Variants in CELA2B observed in about 807,000 individuals in gnomAD.
CELA2B encodes the protein chymotrypsin-like elastase family member 2B.
Under a neutral mutation model 36.5 loss-of-function variants are expected in CELA2B, and 27 were observed. That is an observed-to-expected ratio of 0.74 (90% CI 0.55 to 1.02). The LOEUF (loss-of-function observed/expected upper bound fraction) is 1.02, where lower values mean the gene tolerates loss of function less well. Ranked by LOEUF, CELA2B falls within the 50% of genes least tolerant of loss-of-function variation. The pLI is 0.00. For missense variants in CELA2B, 340 were observed against 347.8 expected (o/e 0.98, Z 0.18); for synonymous variants, 143 against 148.5 (o/e 0.96, Z 0.27).
intron 7 of CELA2B, among the ~76,000 whole-genome samples, chr1:15,489,905 G>A (rs756727471): frequency 6.6e-6 from 1 of 151,870 alleles, no homozygotes; most frequent in Non-Finnish European, 1.5e-5. Context: ...ATGGAGTCTC[G>A]CTCTGTTGCA....
Position 15,476,541 on chromosome 1 carries a change from G to C in CELA2B, c.125G>C (p.Trp42Ser). The change falls in exon 2 of 8, where the codon TGG (tryptophan) becomes TCG (serine). Residue 42 changes from tryptophan (W) to serine (S), a missense_variant. Trp to Ser is a radical substitution (Grantham distance 177, BLOSUM62 -3). Coordinates refer to ENST00000375910, the MANE Select transcript of CELA2B (RefSeq NM_015849.3). ...GEEARPNSWP[W>S]QVSLQYSSNG... ...GAAGCGAGGCCCAACAGCTGGCCCT[G>C]GCAGGTGAGTTGACCACACTGTACT... The C allele has an allele frequency of 6.2e-7, 1 of 1,613,698 alleles. No homozygotes were observed. Among genetic ancestry groups the C allele is most frequent in the Non-Finnish European group, 8.5e-7 (1 of 1,179,996 alleles).
chr1:15,476,540 T>C lies in CELA2B; in HGVS notation c.124T>C (p.Trp42Arg), dbSNP rs1424513801. The C allele has an allele frequency of 1.2e-6, 2 of 1,613,632 alleles. No homozygotes were observed. The highest frequency in any genetic ancestry group is 1.3e-5 in the African/African-American group (1 of 74,902). The change falls in exon 2 of 8, where the codon TGG becomes CGG. Residue 42 changes from tryptophan (W) to arginine (R), a missense_variant. Trp to Arg is a moderately radical substitution (Grantham distance 101, BLOSUM62 -3). Transcript: ENST00000375910. ...AGAAGCGAGGCCCAACAGCTGGCCC[T>C]GGCAGGTGAGTTGACCACACTGTAC... The part of the protein sequence containing the change: ...GEEARPNSWP[W>R]QVSLQYSSNG...
chr1:15,483,430 G>T (rs1432968014), intron 5 of CELA2B, 30 bp downstream of exon 5: 1 of 1,612,954 alleles, frequency 6.2e-7, no homozygotes, highest in African/African-American at 1.3e-5. Flanking sequence ...CCCCAGGCCT[G>T]GGAGGGAAGG....
At chr1:15,490,473 A>G (rs911595540) in intron 7 of CELA2B, among the ~76,000 whole-genome samples, 2 of 152,212 alleles carry the variant, frequency 1.3e-5, no homozygotes, top group African/African-American at 2.4e-5. Flanking sequence ...ACATTGTGCA[A>G]TGAACATCCT....
At chr1:15,481,367 G>A (rs965176999) in intron 3 of CELA2B, among the ~76,000 whole-genome samples, 172 bp downstream of exon 3, 5 of 152,198 alleles carry the variant, frequency 3.3e-5, no homozygotes, top group African/African-American at 1.2e-4. Flanking sequence ...GCCCACCCAT[G>A]GGTCATTTCA....
chr1:15,487,253 C>CT (rs1283546766), intron 6 of CELA2B, 32 bp from the exon 7 acceptor site: 3 of 1,606,646 alleles, frequency 1.9e-6, no homozygotes, highest in African/African-American at 2.7e-5. Context: ...CTTCCTCCCA[C>CT]TTCAACTCCC....
At chr1:15,486,163 C>A in intron 6 of CELA2B, 117 bp downstream of exon 6, 1 of 1,312,494 alleles carries the variant, frequency 7.6e-7, no homozygotes, top group South Asian at 1.4e-5. Flanking sequence ...CAGAAGCACC[C>A]GGAAATGGTA....
intron 5 of CELA2B, among the ~76,000 whole-genome samples, chr1:15,485,137 C>A (rs1708789295): frequency 6.6e-6 from 1 of 152,164 alleles, no homozygotes; most frequent in East Asian, 1.9e-4. Context: ...CTCAAGTGAT[C>A]CGCCTGCCTT....
intron 2 of CELA2B, among the ~76,000 whole-genome samples, chr1:15,480,536 G>A (rs1418133536): frequency 2.0e-5 from 3 of 152,138 alleles, no homozygotes; most frequent in African/African-American, 7.2e-5. Flanking sequence ...AATCATGGCA[G>A]AAGGGGAAGG....
At chr1:15,478,939 A>C (rs948635279) in intron 2 of CELA2B, among the ~76,000 whole-genome samples, 10 of 152,158 alleles carry the variant, frequency 6.6e-5, no homozygotes, top group African/African-American at 2.2e-4. Context: ...TTTCCAGAGA[A>C]GGTAACTGGG....
intron 5 of CELA2B, among the ~76,000 whole-genome samples, chr1:15,485,169 T>C (rs576376254): frequency 2.0e-4 from 31 of 152,318 alleles, no homozygotes; most frequent in South Asian, 1.4e-3. Context: ...CTGCTGGGAT[T>C]ACAGGGTGAG....
chr1:15,480,419 T>C (rs1172658792), intron 2 of CELA2B, among the ~76,000 whole-genome samples: 2 of 152,118 alleles, frequency 1.3e-5, no homozygotes, highest in African/African-American at 2.4e-5. Context: ...TATTAATCCG[T>C]TCTCACACTG....
chr1:15,482,532 T>C (rs544515577), intron 4 of CELA2B, 139 bp downstream of exon 4: 2 of 1,274,310 alleles, frequency 1.6e-6, no homozygotes, highest in South Asian at 2.8e-5. Context: ...GCCTATTAGA[T>C]GTGGAACCGG....
At chr1:15,489,937 G>A (rs573533448) in intron 7 of CELA2B, among the ~76,000 whole-genome samples, 2 of 152,058 alleles carry the variant, frequency 1.3e-5, no homozygotes, top group East Asian at 3.9e-4. Flanking sequence ...ACAGTGGCTT[G>A]ATCTCAGCTC....
chr1:15,480,949 G>T (rs562716382), intron 2 of CELA2B, 149 bp from the exon 3 acceptor site: 9 of 729,136 alleles, frequency 1.2e-5, no homozygotes, highest in Non-Finnish European at 2.1e-5. Flanking sequence ...TATCTTCATG[G>T]CTGAGGTTTT....
chr1:15,481,124 C>T lies in CELA2B; in HGVS notation c.156C>T (p.Gly52=). Residue 52 remains glycine (G), a synonymous_variant, in exon 3 of 8, where the codon GGC becomes GGT. Transcript: ENST00000375910. ...WQVSLQYSSN[G]QWYHTCGGSL... ...TCTCCCTGCAGTACAGCTCCAATGG[C>T]CAGTGGTACCACACCTGCGGAGGGT... 1 of 1,613,098 alleles carries T rather than the reference C, an allele frequency of 6.2e-7. No homozygotes were observed. The highest frequency in any genetic ancestry group is 2.2e-5 in the East Asian group (1 of 44,878).
intron 7 of CELA2B, among the ~76,000 whole-genome samples, chr1:15,487,661 T>C (rs1570812678): frequency 6.6e-6 from 1 of 152,244 alleles, no homozygotes; most frequent in East Asian, 1.9e-4. Flanking sequence ...AGTATGGCCT[T>C]GTCCAAAGAC....
chr1:15,491,239 C>G, intron 7 of CELA2B, 56 bp from the exon 8 acceptor site: 1 of 1,611,784 alleles, frequency 6.2e-7, no homozygotes, highest in Non-Finnish European at 8.5e-7. Flanking sequence ...GAAACTGCCA[C>G]GCACAGCTCT....
chr1:15,481,133 C>A lies in CELA2B; in HGVS notation c.165C>A (p.Tyr55Ter). 6.2e-7 allele frequency: 1 copy of A among 1,613,336 alleles called. No individual in the cohort carries two copies. Among genetic ancestry groups the A allele is most frequent in the Non-Finnish European group, 8.5e-7 (1 of 1,180,022 alleles). Residue 55 changes from tyrosine (Y) to a stop codon, truncating the protein, a stop_gained, in exon 3 of 8, where the codon TAC becomes TAA. Coordinates refer to ENST00000375910, the MANE Select transcript of CELA2B (RefSeq NM_015849.3). LOFTEE classifies it high-confidence loss of function. ...AGTACAGCTCCAATGGCCAGTGGTA[C>A]CACACCTGCGGAGGGTCCCTGATAG... ...SLQYSSNGQW[Y>*]HTCGGSLIAN...
Sources: gnomAD v4.1 joint callset for allele counts (sites outside exome capture counted in the v4.1 genomes callset) on GRCh38, gnomAD v4.1.1 for gene constraint, MANE v1.5 for transcripts, NCBI Gene and HGNC (gene_info 2026-07-23, HGNC 2026-07-21) for gene names.